The following RHOBTB1 variants were observed in gnomAD, a reference collection of about 807,000 sequenced individuals.
RHOBTB1 encodes rho-related BTB domain-containing protein 1.
RHOBTB1 carries 40 observed loss-of-function variants against 71.6 expected under a neutral mutation model. The ratio of observed to expected loss-of-function variants is 0.56; its 90% confidence interval spans 0.43 to 0.73. The LOEUF is 0.73. Ranked by LOEUF, RHOBTB1 falls within the 30% of genes least tolerant of loss-of-function variation. The pLI is 0.00. For synonymous variants in RHOBTB1, 319 were observed against 334.9 expected, an observed-to-expected ratio of 0.95 and a Z score of 0.52; for missense variants, 797 against 894.0, an observed-to-expected ratio of 0.89 and a Z score of 1.38.
chr10:60,873,207 A>C (rs2080883911), intron 9 of RHOBTB1, among the ~76,000 whole-genome samples: 1 of 152,226 alleles, frequency 6.6e-6, no homozygotes, highest in African/African-American at 2.4e-5. Context: ...CTCTCTGAAA[A>C]CAAGGCTGGG....
intron 4 of RHOBTB1, 36 bp from the exon 5 acceptor site, chr10:60,893,031 T>C: frequency 6.5e-7 from 1 of 1,529,786 alleles, no homozygotes; most frequent in Non-Finnish European, 8.9e-7. Context: ...TGTATTGCCT[T>C]TTAACAGGTT....
At chr10:60,972,834 G>A (rs2086205575) in intron 2 of RHOBTB1, among the ~76,000 whole-genome samples, 1 of 151,950 alleles carries the variant, frequency 6.6e-6, no homozygotes, top group African/African-American at 2.4e-5. Context: ...AGACAGCCTT[G>A]TCAAATGCAA....
chr10:60,877,360 A>T (rs950092916), intron 8 of RHOBTB1, among the ~76,000 whole-genome samples: 7 of 152,210 alleles, frequency 4.6e-5, no homozygotes, highest in African/African-American at 1.7e-4. Flanking sequence ...TAACTCACTT[A>T]ATCTCCATAA....
At chr10:60,965,762 A>G (rs1044936769) in intron 2 of RHOBTB1, among the ~76,000 whole-genome samples, 5 of 152,170 alleles carry the variant, frequency 3.3e-5, no homozygotes, top group African/African-American at 1.2e-4. Context: ...ATAAGACTAA[A>G]TGAGACAAGT....
At chr10:60,915,809 C>G (rs1398870319) in intron 2 of RHOBTB1, among the ~76,000 whole-genome samples, 1 of 152,150 alleles carries the variant, frequency 6.6e-6, no homozygotes, top group Non-Finnish European at 1.5e-5. Context: ...AGCCACTCCT[C>G]CACACTCCCT....
At chr10:60,922,697 C>T (rs939223188) in intron 2 of RHOBTB1, among the ~76,000 whole-genome samples, 1 of 152,192 alleles carries the variant, frequency 6.6e-6, no homozygotes, top group African/African-American at 2.4e-5. Flanking sequence ...AATAGGAAAC[C>T]AGCCTGCTGC....
chr10:60,970,476 G>A (rs1029866618), intron 2 of RHOBTB1, among the ~76,000 whole-genome samples: 5 of 152,010 alleles, frequency 3.3e-5, no homozygotes, highest in South Asian at 2.1e-4. Flanking sequence ...AATTCAGATC[G>A]GTATTGAATA....
chr10:60,960,813 C>T (rs2134515440), intron 2 of RHOBTB1, among the ~76,000 whole-genome samples: 1 of 152,324 alleles, frequency 6.6e-6, no homozygotes, highest in Non-Finnish European at 1.5e-5. Context: ...TACCTTGTTG[C>T]TTACCACTGC....
chr10:60,892,996 C>A lies in RHOBTB1; in HGVS notation c.297-1G>T. The A allele has an allele frequency of 6.2e-7, 1 of 1,605,776 alleles. No homozygotes were observed. The highest frequency in any genetic ancestry group is 8.5e-7 in the Non-Finnish European group (1 of 1,177,086). ...AAAACAGAGGACCACAACATCAGACCTAAAAGGAAATCATAAAAGAAGCTT... is the reference window on the plus strand; with the variant it reads ...AAAACAGAGGACCACAACATCAGACATAAAAGGAAATCATAAAAGAAGCTT... On this transcript the variant is annotated splice_acceptor_variant, in intron 4 of 10. Transcript: ENST00000337910. LOFTEE classifies it high-confidence loss of function.
At chr10:60,924,744 G>A (rs2083769808) in intron 2 of RHOBTB1, among the ~76,000 whole-genome samples, 1 of 152,040 alleles carries the variant, frequency 6.6e-6, no homozygotes, top group African/African-American at 2.4e-5. Flanking sequence ...CCATATGTTA[G>A]GCCACAAAAC....
At chr10:60,920,464 C>T (rs562285740) in intron 2 of RHOBTB1, among the ~76,000 whole-genome samples, 7 of 151,812 alleles carry the variant, frequency 4.6e-5, no homozygotes, top group African/African-American at 1.2e-4. Flanking sequence ...CTGAAGAGCC[C>T]GAGGGATAGG....
At chr10:60,918,712 T>C (rs1303325763) in intron 2 of RHOBTB1, among the ~76,000 whole-genome samples, 1 of 152,078 alleles carries the variant, frequency 6.6e-6, no homozygotes, top group Admixed American at 6.6e-5. Context: ...ACTTACACTA[T>C]GTCTCTTGTT....
chr10:60,991,431 C>CTTT (rs34517890), intron 1 of RHOBTB1, among the ~76,000 whole-genome samples: 7 of 133,964 alleles, frequency 5.2e-5, no homozygotes, highest in African/African-American at 8.4e-5. Flanking sequence ...TCCCTCAGTA[C>CTTT]TTTTTTTTTT....
chr10:60,895,427 G>A (rs147686820), intron 4 of RHOBTB1, among the ~76,000 whole-genome samples: 4 of 152,124 alleles, frequency 2.6e-5, no homozygotes, highest in East Asian at 1.9e-4. Flanking sequence ...TTTTTGAGAC[G>A]GAGTTTTGCT....
At chr10:60,902,275 T>G (rs573598845) in intron 4 of RHOBTB1, among the ~76,000 whole-genome samples, 4 of 152,288 alleles carry the variant, frequency 2.6e-5, no homozygotes, top group African/African-American at 9.6e-5. Context: ...TCCCTAAACT[T>G]CCATCACAGA....
At chr10:60,883,070 T>C (rs2081399334) in intron 7 of RHOBTB1, among the ~76,000 whole-genome samples, 3 of 152,166 alleles carry the variant, frequency 2.0e-5, no homozygotes, top group African/African-American at 4.8e-5. Flanking sequence ...GAGTATATTA[T>C]AGTTTACACA....
downstream of RHOBTB1, among the ~76,000 whole-genome samples, chr10:60,869,040 C>T (rs2080661375): frequency 6.6e-6 from 1 of 152,188 alleles, no homozygotes. Flanking sequence ...TTCACAAAGG[C>T]TTTCTCAGAC....
chr10:60,880,189 G>GTGTGTGTT (rs2081255208), intron 7 of RHOBTB1, among the ~76,000 whole-genome samples: 1 of 141,592 alleles, frequency 7.1e-6, no homozygotes, highest in Admixed American at 7.0e-5. Context: ...GTGTGTGTGT[G>GTGTGTGTT]TGTGTGTGTG....
At chr10:60,879,575 C>G (rs1007592945) in intron 7 of RHOBTB1, among the ~76,000 whole-genome samples, 1 of 151,886 alleles carries the variant, frequency 6.6e-6, no homozygotes, top group Non-Finnish European at 1.5e-5. Flanking sequence ...AAACTCCTGG[C>G]CTCAAGTGAT....
Sources: allele counts gnomAD v4.1 joint callset (sites outside exome capture counted in the v4.1 genomes callset), GRCh38; gene constraint gnomAD v4.1.1; transcripts MANE v1.5; gene names NCBI Gene and HGNC (gene_info 2026-07-23, HGNC 2026-07-21).